SHMT2: variants seen among roughly 807,000 people sequenced by gnomAD.
SHMT2 encodes the protein serine hydroxymethyltransferase 2.
Under a neutral mutation model 59.6 loss-of-function variants are expected in SHMT2, and 38 were observed. The ratio of observed to expected loss-of-function variants is 0.64; its 90% CI spans 0.49 to 0.84. The LOEUF is 0.84. SHMT2 is among the 40% of genes least tolerant of loss of function. SHMT2 has a pLI of 0.00. For synonymous variants in SHMT2, 254 were observed against 258.1 expected, an observed-to-expected ratio of 0.98 and a Z score of 0.15; for missense variants, 533 against 659.5, an observed-to-expected ratio of 0.81 and a Z score of 2.10.
intron 1 of SHMT2, chr12:57,230,168 GA>G (rs1235970738): frequency 7.7e-7 from 1 of 1,306,370 alleles, no homozygotes. Flanking sequence ...GAGCCCTGCA[GA>G]TGATGCAACC....
chr12:57,232,352 A>G, intron 5 of SHMT2, 60 bp downstream of exon 5: 1 of 1,612,736 alleles, frequency 6.2e-7, no homozygotes, highest in Non-Finnish European at 8.5e-7. Context: ...TCCCCTGGAG[A>G]AGCTGAGGGC....
At position 57,234,406 on chromosome 12, in the gene SHMT2, T is replaced by C. The variant is rs1166656200; in HGVS notation, c.*45T>C. The C allele has an allele frequency of 7.2e-6, 11 of 1,524,550 alleles. No individual in the cohort carries two copies. Among genetic ancestry groups the C allele is most frequent in the Non-Finnish European group, 9.7e-6 (11 of 1,136,850 alleles). 94.4% of individuals were successfully genotyped at this position (1,524,550 alleles called of 1,614,324 possible). On this transcript the variant is annotated 3_prime_UTR_variant, in exon 12 of 12. Transcript: ENST00000328923. ...CCCACAGACTCAAAGTTACTCTCCT[T>C]CCCCCTACCTGGGCCAGTGAAATAG...
chr12:57,231,393 C>T (rs1026109581), intron 2 of SHMT2, 88 bp from the exon 3 acceptor site: 3 of 1,410,164 alleles, frequency 2.1e-6, no homozygotes, highest in Non-Finnish European at 2.9e-6. Context: ...AGTACTCCCG[C>T]TTTCAGCTCT....
Position 57,233,204 on chromosome 12 carries a change from A to G in SHMT2, c.882A>G (p.Lys294=), listed in dbSNP as rs1359067985. 5.1e-6 allele frequency: 8 copies of G among 1,576,936 alleles called. No homozygotes were observed. In the African/African-American group the frequency reaches 5.4e-5, roughly 11 times the overall value. ...GGTCAGGGCTCATCTTCTACCGGAA[A>G]GGGGTGAAGGCTGTGGACCCCAAGA... ...GARSGLIFYR[K]GVKAVDPKTG... is the part of the protein sequence containing the mutation. Residue 294 remains lysine (K), a synonymous_variant, in exon 8 of 12, where the codon AAA becomes AAG. Transcript: ENST00000328923.
At chr12:57,232,874 T>C in intron 7 of SHMT2, 31 bp downstream of exon 7, 1 of 1,593,072 alleles carries the variant, frequency 6.3e-7, no homozygotes, top group Non-Finnish European at 8.6e-7. Context: ...GCCTTGCCTT[T>C]CCCTGCCTTC....
chr12:57,230,455 T>G (rs2037266774), intron 1 of SHMT2: 13 of 1,195,778 alleles, frequency 1.1e-5, no homozygotes, highest in Non-Finnish European at 1.3e-5. Flanking sequence ...GAAGACCCTC[T>G]TGTTCCTGTG....
chr12:57,234,382 C>A lies in SHMT2; in HGVS notation c.*21C>A, dbSNP rs773049410. 6.4e-7 allele frequency: 1 copy of A among 1,557,890 alleles called. No homozygotes were observed. The highest frequency in any genetic ancestry group is 1.4e-5 in the African/African-American group (1 of 72,690). On this transcript the variant is annotated 3_prime_UTR_variant, in exon 12 of 12. Transcript: ENST00000328923. ...ATTGAAGGCACCTGGGAAATGAGGCCCACAGACTCAAAGTTACTCTCCTTC... is the reference window on the plus strand; with the variant it reads ...ATTGAAGGCACCTGGGAAATGAGGCACACAGACTCAAAGTTACTCTCCTTC...
chr12:57,233,484 G>C (rs2037414119), intron 8 of SHMT2, 79 bp from the exon 9 acceptor site: 4 of 1,526,588 alleles, frequency 2.6e-6, no homozygotes, highest in Non-Finnish European at 3.6e-6. Flanking sequence ...ACAGAGCTAT[G>C]CTGAGGGTGC....
At position 57,234,876 on chromosome 12, in the gene SHMT2, C is replaced by T. The variant is rs1372556033; in HGVS notation, c.*515C>T. ...TTTCTGTCTCTGATCAGAGCCGACACCAGACGTGATTAGCAGGCGCAGCAA... is the reference window on the plus strand; with the variant it reads ...TTTCTGTCTCTGATCAGAGCCGACATCAGACGTGATTAGCAGGCGCAGCAA... On this transcript the variant is annotated 3_prime_UTR_variant, in exon 12 of 12. Coordinates refer to ENST00000328923, the MANE Select transcript of SHMT2 (RefSeq NM_005412.6). 6.4e-6 allele frequency: 1 copy of T among 156,884 alleles called. No homozygotes were observed. Among genetic ancestry groups the T allele is most frequent in the African/African-American group, 2.4e-5 (1 of 41,484 alleles). 9.7% of individuals were successfully genotyped at this position (156,884 alleles called of 1,614,324 possible).
chr12:57,230,120 G>T (rs2037249955), intron 1 of SHMT2: 2 of 1,333,414 alleles, frequency 1.5e-6, no homozygotes, highest in African/African-American at 3.0e-5. Context: ...CGGAGTTTTC[G>T]GCCTGGTCTC....
chr12:57,233,937 C>T (rs749300687), intron 10 of SHMT2, 33 bp downstream of exon 10: 6 of 1,614,042 alleles, frequency 3.7e-6, no homozygotes, highest in African/African-American at 1.3e-5. Flanking sequence ...GGAAGGGGCT[C>T]CCATGCTGGA....
chr12:57,229,881 C>T, intron 1 of SHMT2, 70 bp downstream of exon 1: 5 of 1,596,532 alleles, frequency 3.1e-6, no homozygotes, highest in Non-Finnish European at 3.4e-6. Flanking sequence ...AGTTCCTAGT[C>T]ACAAACTCTG....
intron 1 of SHMT2, 110 bp from the exon 2 acceptor site, chr12:57,230,693 C>A: frequency 1.3e-6 from 2 of 1,495,482 alleles, no homozygotes; most frequent in South Asian, 2.7e-5. Flanking sequence ...CTGAAACAGG[C>A]TGGCTGGACA....
At chr12:57,230,237 T>C (rs1592679998) in intron 1 of SHMT2, 1 of 1,232,050 alleles carries the variant, frequency 8.1e-7, no homozygotes, top group Non-Finnish European at 1.0e-6. Context: ...TGGAAGGAGG[T>C]GGAACGGGTA....
In SHMT2 at chr12:57,234,541, T is replaced by G. The variant is rs1464737819; in HGVS notation, c.*180T>G. On this transcript the variant is annotated 3_prime_UTR_variant, in exon 12 of 12. Transcript: ENST00000328923. ...AACTGAGAAGATCTTTTCTTTTTCC[T>G]TTTTTTGGTAACAAGACTTAGAAGG... is the stretch of plus-strand genomic sequence containing the variant. 8.4e-6 allele frequency: 5 copies of G among 593,642 alleles called. No individual in the cohort carries two copies. The highest frequency in any genetic ancestry group is 1.3e-5 in the Non-Finnish European group (5 of 380,434). 36.8% of individuals were successfully genotyped at this position (593,642 alleles called of 1,614,324 possible). A position where few individuals can be genotyped will look rare whatever the true frequency, so the allele number is the denominator to read the frequency against.
chr12:57,232,444 T>C lies in SHMT2; in HGVS notation c.595-9T>C. On this transcript the variant is annotated splice_polypyrimidine_tract_variant and intron_variant, in intron 5 of 11. Transcript: ENST00000328923. Reference sequence around the variant, plus strand: ...TCTCAGGGCTTTAGCTGTTTGTGTGTCTGTCCAGCCCAAAACTGGCCTCAT... The same window carrying C: ...TCTCAGGGCTTTAGCTGTTTGTGTGCCTGTCCAGCCCAAAACTGGCCTCAT... The C allele has an allele frequency of 1.9e-6, 3 of 1,614,134 alleles. No homozygotes were observed. Among genetic ancestry groups the C allele is most frequent in the Non-Finnish European group, 2.5e-6 (3 of 1,180,002 alleles).
chr12:57,232,541 A>G lies in SHMT2; in HGVS notation c.683A>G (p.Tyr228Cys), dbSNP rs2037367701. The G allele has an allele frequency of 1.2e-6, 2 of 1,614,102 alleles. No homozygotes were observed. The highest frequency in any genetic ancestry group is 1.3e-5 in the African/African-American group (1 of 75,034). Residue 228 changes from tyrosine to cysteine, a missense_variant, in exon 6 of 12, where the codon TAT (tyrosine) becomes TGT (cysteine). By Grantham distance (194) the Tyr-to-Cys change is radical. Transcript: ENST00000328923. ...CTCATCATAGCTGGCACCAGCGCCT[A>G]TGCTCGCCTCATTGACTACGCCCGC... ...PRLIIAGTSA[Y>C]ARLIDYARMR...
Position 57,234,395 on chromosome 12 carries a change from G to T in SHMT2, c.*34G>T. On this transcript the variant is annotated 3_prime_UTR_variant, in exon 12 of 12. Coordinates refer to ENST00000328923, the MANE Select transcript of SHMT2 (RefSeq NM_005412.6). ...GGGAAATGAGGCCCACAGACTCAAA[G>T]TTACTCTCCTTCCCCCTACCTGGGC... 6.5e-7 allele frequency: 1 copy of T among 1,544,170 alleles called. No individual in the cohort carries two copies. Among genetic ancestry groups the T allele is most frequent in the Non-Finnish European group, 8.7e-7 (1 of 1,145,902 alleles).
At position 57,233,671 on chromosome 12, in the gene SHMT2, G is replaced by A. The variant is rs2037425634; in HGVS notation, c.1123+9G>A. The A allele has an allele frequency of 6.2e-7, 1 of 1,613,600 alleles. No individual in the cohort carries two copies. The highest frequency in any genetic ancestry group is 1.3e-5 in the African/African-American group (1 of 74,944). ...CTACTCACTGGTATCAGGTAAGCCAGCAGGTGATGGGTGAGGGCCTCTGTA... is the reference window on the plus strand; with the variant it reads ...CTACTCACTGGTATCAGGTAAGCCAACAGGTGATGGGTGAGGGCCTCTGTA... On this transcript the variant is annotated intron_variant, in intron 9 of 11. Coordinates refer to ENST00000328923, the MANE Select transcript of SHMT2 (RefSeq NM_005412.6).
Sources: gnomAD v4.1 joint callset for allele counts on GRCh38, gnomAD v4.1.1 for gene constraint, MANE v1.5 for transcripts, NCBI Gene and HGNC (gene_info 2026-07-23, HGNC 2026-07-21) for gene names.